Variants in DOCK3 observed in about 807,000 individuals in gnomAD.
DOCK3 encodes the protein dedicator of cytokinesis 3, also known as dedicator of cytokinesis protein 3.
In DOCK3, 60 loss-of-function variants were observed where a neutral mutation model predicts 265.6. That is an observed-to-expected ratio of 0.23 (90% CI 0.18 to 0.28). The LOEUF (loss-of-function observed/expected upper bound fraction) is 0.28. Ranked by LOEUF, DOCK3 falls within the 10% of genes least tolerant of loss-of-function variation. The pLI is 1.00. For missense variants in DOCK3, 1,981 were observed against 2,594.3 expected, an observed-to-expected ratio of 0.76 and a Z score of 5.14; for synonymous variants, 881 against 938.0, an observed-to-expected ratio of 0.94 and a Z score of 1.11.
chr3:51,076,465 T>C (rs991143948), intron 7 of DOCK3, among the ~76,000 whole-genome samples: 3 of 152,204 alleles, frequency 2.0e-5, no homozygotes, highest in Non-Finnish European at 4.4e-5. Context: ...ACAAGACTTA[T>C]CTATTCCCTA....
At chr3:50,741,586 C>T (rs1279996534) in intron 1 of DOCK3, among the ~76,000 whole-genome samples, 1 of 150,932 alleles carries the variant, frequency 6.6e-6, no homozygotes, top group Non-Finnish European at 1.5e-5. Flanking sequence ...CATCCATGTC[C>T]CTACAAAGGA....
intron 2 of DOCK3, among the ~76,000 whole-genome samples, chr3:50,839,837 C>CAGCT (rs1355658145): frequency 1.3e-5 from 2 of 149,760 alleles, no homozygotes; most frequent in African/African-American, 4.9e-5. Flanking sequence ...GGCACCATCT[C>CAGCT]AGCTCACTGC....
intron 2 of DOCK3, among the ~76,000 whole-genome samples, chr3:50,831,101 A>G (rs764909889): frequency 6.6e-6 from 1 of 152,062 alleles, no homozygotes; most frequent in Non-Finnish European, 1.5e-5. Context: ...ATTAGCATAT[A>G]ATGAGCAATG....
intron 5 of DOCK3, among the ~76,000 whole-genome samples, chr3:50,998,192 G>T (rs1317393077): frequency 6.6e-6 from 1 of 152,120 alleles, no homozygotes; most frequent in Non-Finnish European, 1.5e-5. Context: ...GTAAATAGAG[G>T]AGCTAGATTT....
At position 50,843,762 on chromosome 3, in the gene DOCK3, A is replaced by AAAT. The variant is rs1406897806; in HGVS notation, c.162+2047_162+2048insAAT. 7.9e-5 allele frequency among the ~76,000 whole-genome samples: 12 copies of AAAT among 152,280 alleles called. No individual in the cohort carries two copies. In the South Asian group the frequency reaches 1.2e-3, roughly 16 times the overall value. ...ATCTTAGGTTATTACAGCATTTATT[A>AAAT]GCAACATGTATCTATATATCTCTTA... is the stretch of plus-strand genomic sequence containing the variant. On this transcript the variant is annotated intron_variant, in intron 3 of 52. Coordinates refer to ENST00000266037, the MANE Select transcript of DOCK3 (RefSeq NM_004947.5).
intron 9 of DOCK3, among the ~76,000 whole-genome samples, chr3:51,118,358 G>C (rs532317157): frequency 6.6e-6 from 1 of 152,290 alleles, no homozygotes; most frequent in South Asian, 2.1e-4. Flanking sequence ...TGCATTTGCT[G>C]AGGAGTGCTT....
chr3:51,060,304 T>C (rs1431003667), intron 5 of DOCK3, among the ~76,000 whole-genome samples: 4 of 152,142 alleles, frequency 2.6e-5, no homozygotes, highest in Admixed American at 6.5e-5. Context: ...AAGTCCTCCT[T>C]AAAATCCAGT....
chr3:50,801,853 G>A (rs1274953585), intron 2 of DOCK3, among the ~76,000 whole-genome samples: 1 of 152,144 alleles, frequency 6.6e-6, no homozygotes, highest in African/African-American at 2.4e-5. Context: ...GGGTCTAATA[G>A]TATTTGTTTT....
chr3:51,007,396 G>A (rs1428248273), intron 5 of DOCK3, among the ~76,000 whole-genome samples: 12 of 152,220 alleles, frequency 7.9e-5, no homozygotes, highest in African/African-American at 2.6e-4. Flanking sequence ...ATTTTTTCAT[G>A]TGTCTGTTGG....
intron 10 of DOCK3, among the ~76,000 whole-genome samples, chr3:51,157,796 CTTTTTTTT>C (rs11404204): frequency 7.7e-6 from 1 of 129,668 alleles, no homozygotes; most frequent in African/African-American, 2.9e-5. Context: ...TTGATTGTAC[CTTTTTTTT>C]TTTTTTTTTT....
chr3:51,293,446 C>G (rs2081902788), intron 27 of DOCK3, among the ~76,000 whole-genome samples: 1 of 152,018 alleles, frequency 6.6e-6, no homozygotes, highest in African/African-American at 2.4e-5. Context: ...TGAAAGTAGA[C>G]CTTTATCTCA....
intron 9 of DOCK3, among the ~76,000 whole-genome samples, chr3:51,107,019 C>T (rs2109791670): frequency 6.6e-6 from 1 of 152,358 alleles, no homozygotes; most frequent in African/African-American, 2.4e-5. Flanking sequence ...GATTCCTAAT[C>T]TCAAGCCAGA....
intron 12 of DOCK3, among the ~76,000 whole-genome samples, chr3:51,196,956 T>C (rs981071127): frequency 1.2e-4 from 19 of 152,252 alleles, no homozygotes; most frequent in Non-Finnish European, 8.8e-5. Flanking sequence ...GTCATTACAT[T>C]GAAATCTGTG....
chr3:51,044,521 A>G lies in DOCK3; in HGVS notation c.316-19927A>G, dbSNP rs573201105. 5.3e-5 allele frequency among the ~76,000 whole-genome samples: 8 copies of G among 152,100 alleles called. No individual in the cohort carries two copies. In the East Asian group the frequency reaches 1.5e-3, roughly 29 times the overall value. On this transcript the variant is annotated intron_variant, in intron 5 of 52. Coordinates refer to ENST00000266037, the MANE Select transcript of DOCK3 (RefSeq NM_004947.5). ...GGGTGATGAAATAATCTGTACGACAAACCTCCATGACACAAGTTTACCTTT... is the reference window on the plus strand; with the variant it reads ...GGGTGATGAAATAATCTGTACGACAGACCTCCATGACACAAGTTTACCTTT...
intron 35 of DOCK3, among the ~76,000 whole-genome samples, chr3:51,337,672 G>T (rs2084961083): frequency 6.6e-6 from 1 of 152,110 alleles, no homozygotes; most frequent in Non-Finnish European, 1.5e-5. Context: ...CTTTCCAGAG[G>T]AGCTTGGCTT....
At chr3:51,066,680 TAGA>T (rs1298892399) in intron 6 of DOCK3, among the ~76,000 whole-genome samples, 2 of 152,016 alleles carry the variant, frequency 1.3e-5, no homozygotes, top group East Asian at 1.9e-4. Flanking sequence ...TTCTGCAAAG[TAGA>T]AGAATAAATC....
intron 36 of DOCK3, among the ~76,000 whole-genome samples, 155 bp downstream of exon 36, chr3:51,338,574 C>T (rs1279135890): frequency 6.6e-6 from 1 of 152,202 alleles, no homozygotes; most frequent in Non-Finnish European, 1.5e-5. Flanking sequence ...GGCCTGCACT[C>T]CCCCAAACAC....
chr3:50,736,464 A>T (rs1165113897), intron 1 of DOCK3, among the ~76,000 whole-genome samples: 7 of 152,160 alleles, frequency 4.6e-5, no homozygotes, highest in Admixed American at 3.9e-4. Flanking sequence ...TAGATCCTTG[A>T]GGAATCGCCG....
chr3:51,095,135 A>C (rs2082791875), intron 9 of DOCK3, among the ~76,000 whole-genome samples: 1 of 151,702 alleles, frequency 6.6e-6, no homozygotes, highest in Non-Finnish European at 1.5e-5. Flanking sequence ...TGTGTCTTTT[A>C]ATTGGATCAT....
Sources: allele counts gnomAD v4.1 joint callset (sites outside exome capture counted in the v4.1 genomes callset), GRCh38; gene constraint gnomAD v4.1.1; transcripts MANE v1.5; gene names NCBI Gene and HGNC (gene_info 2026-07-23, HGNC 2026-07-21).